METTL21A: variants seen among roughly 807,000 people sequenced by gnomAD.
METTL21A encodes the protein methyltransferase 21A, HSPA lysine, also known as protein N-lysine methyltransferase METTL21A.
METTL21A carries 22 observed loss-of-function variants against 20.9 expected under a neutral mutation model. The ratio of observed to expected loss-of-function variants is 1.05; its 90% CI spans 0.75 to 1.50. The LOEUF (loss-of-function observed/expected upper bound fraction) is 1.50. Among genes scored for constraint, METTL21A ranks in the 40% most tolerant of loss-of-function variants. The probability of loss-of-function intolerance (pLI) is 0.00; values close to 1 mark genes in which losing one functional copy is unlikely to be tolerated. For missense variants in METTL21A, 271 were observed against 266.8 expected (o/e 1.02, Z -0.11); for synonymous variants, 93 against 102.0 (o/e 0.91, Z 0.53).
At chr2:207,606,641 T>C (rs1205397807), downstream of METTL21A, among the ~76,000 whole-genome samples, 1 of 152,192 alleles carries the variant, frequency 6.6e-6, no homozygotes, top group South Asian at 2.1e-4. Flanking sequence ...TTGAGAAAGC[T>C]ACTTCTCTCT....
rs539723261 is a variant in METTL21A at position 207,600,308 on chromosome 2, A to G, written c.260-18148T>C. 20 of 177,168 alleles carry G rather than the reference A, an allele frequency of 1.1e-4. No homozygotes were observed. In the South Asian group the frequency reaches 3.8e-3, roughly 34 times the overall value. 11.0% of individuals were successfully genotyped at this position (177,168 alleles called of 1,614,324 possible). On this transcript the variant is annotated intron_variant, in intron 3 of 3. Transcript: ENST00000425132. ...AGCTCTGAGAGCTCTTAAGTCAGGA[A>G]TGCTGAGTATTATAGTATATTGAGG... is the stretch of plus-strand genomic sequence containing the variant.
downstream of METTL21A, chr2:207,610,071 A>G (rs1468626461): frequency 9.3e-4 from 1 of 1,078 alleles, no homozygotes; most frequent in African/African-American, 4.7e-3. Context: ...AGGTGCCGGG[A>G]TTGCAGATGG....
intron 1 of METTL21A, chr2:207,625,086 C>T (rs1432518283): frequency 6.6e-6 from 1 of 152,500 alleles, no homozygotes; most frequent in African/African-American, 2.4e-5. Context: ...GACCAGTGCG[C>T]CCTTCCTGCC....
chr2:207,618,265 C>A (rs371757908), intron 3 of METTL21A, among the ~76,000 whole-genome samples: 53 of 152,286 alleles, frequency 3.5e-4, no homozygotes, highest in African/African-American at 1.3e-3. Context: ...ATGGATACAG[C>A]AGTTCCCTCT....
chr2:207,599,446 TACTG>T, intron 3 of METTL21A: 1 of 199,136 alleles, frequency 5.0e-6, no homozygotes, highest in East Asian at 7.8e-5. Flanking sequence ...GCTTTCTACT[TACTG>T]GGAAGTTGGT....
chr2:207,624,243 C>T (rs761351839), exon 2 of METTL21A: 28 of 1,607,426 alleles, frequency 1.7e-5, no homozygotes, highest in Non-Finnish European at 2.3e-5. Flanking sequence ...TCCCAAACCA[C>T]CGCTGCGACT....
intron 3 of METTL21A, among the ~76,000 whole-genome samples, chr2:207,591,814 A>G (rs779438000): frequency 1.5e-4 from 23 of 152,220 alleles, no homozygotes; most frequent in Admixed American, 4.6e-4. Context: ...GGATTCTTGT[A>G]GATGGCATAT....
At chr2:207,620,568 G>C in intron 3 of METTL21A, 1 of 1,243,474 alleles carries the variant, frequency 8.0e-7, no homozygotes, top group South Asian at 1.6e-5. Flanking sequence ...TCATCTCCCA[G>C]AATCCCAGCT....
intron 3 of METTL21A, chr2:207,600,260 T>TATATAC (rs1553513631): frequency 6.2e-6 from 1 of 161,642 alleles, no homozygotes; most frequent in Admixed American, 6.7e-5. Flanking sequence ...TATATATATA[T>TATATAC]ATACATACAG....
At chr2:207,612,922 T>C in exon 4 of METTL21A, 2 of 984,160 alleles carry the variant, frequency 2.0e-6, no homozygotes, top group Non-Finnish European at 1.5e-6. Context: ...ATGTGCTTTC[T>C]CCCCTGAGAA....
chr2:207,587,625 A>T (rs1463327212), intron 3 of METTL21A, among the ~76,000 whole-genome samples: 5 of 152,174 alleles, frequency 3.3e-5, no homozygotes, highest in Non-Finnish European at 7.3e-5. Context: ...AAAGAATGAA[A>T]ATACATCATT....
chr2:207,593,985 C>G (rs2085611391), intron 3 of METTL21A, among the ~76,000 whole-genome samples: 1 of 152,150 alleles, frequency 6.6e-6, no homozygotes, highest in Admixed American at 6.5e-5. Context: ...TCCCAAAGCG[C>G]TGGGACCTGG....
At chr2:207,596,789 G>A in intron 3 of METTL21A, 1 of 1,121,544 alleles carries the variant, frequency 8.9e-7, no homozygotes, top group Non-Finnish European at 1.3e-6. Flanking sequence ...CTTTTCCAAT[G>A]CTTAATATAT....
intron 3 of METTL21A, among the ~76,000 whole-genome samples, chr2:207,590,484 G>A (rs1044612692): frequency 3.3e-5 from 5 of 151,254 alleles, no homozygotes; most frequent in Non-Finnish European, 7.4e-5. Flanking sequence ...ATTTTCTCCT[G>A]CTTGCTTTGG....
downstream of METTL21A, among the ~76,000 whole-genome samples, chr2:207,606,482 C>CA (rs916058613): frequency 3.9e-5 from 6 of 151,984 alleles, no homozygotes; most frequent in Admixed American, 2.6e-4. Context: ...GCTCCCGTCT[C>CA]AAAAAAAACT....
At chr2:207,607,134 ATCCCT>A (rs1288563170), downstream of METTL21A, among the ~76,000 whole-genome samples, 14 of 152,122 alleles carry the variant, frequency 9.2e-5, 1 homozygote, top group African/African-American at 3.4e-4. Flanking sequence ...CACACCTGTA[ATCCCT>A]GCACTTTGGG....
At chr2:207,612,790 C>T in exon 4 of METTL21A, 2 of 356,180 alleles carry the variant, frequency 5.6e-6, no homozygotes, top group South Asian at 1.6e-4. Context: ...ATGGGATACA[C>T]AAATAGCATA....
intron 3 of METTL21A, among the ~76,000 whole-genome samples, chr2:207,586,672 T>C (rs1459207387): frequency 6.6e-6 from 1 of 152,192 alleles, no homozygotes; most frequent in African/African-American, 2.4e-5. Context: ...AAGGGACTGA[T>C]AACCAGGATA....
chr2:207,582,050 A>G (rs148587766), exon 4 of METTL21A: 15 of 700,594 alleles, frequency 2.1e-5, no homozygotes, highest in Middle Eastern at 2.3e-4. Flanking sequence ...AATTGGCGAT[A>G]TTAACTTTGA....
Sources: allele counts gnomAD v4.1 joint callset (sites outside exome capture counted in the v4.1 genomes callset), GRCh38; gene constraint gnomAD v4.1.1; transcripts MANE v1.5; gene names NCBI Gene and HGNC (gene_info 2026-07-23, HGNC 2026-07-21).